Variants in CCNYL1 observed in about 807,000 individuals in gnomAD.
The protein encoded by CCNYL1 is cyclin-Y-like protein 1.
CCNYL1 carries 16 observed loss-of-function variants against 44.2 expected under a neutral mutation model. The observed-to-expected ratio is 0.36, with a 90% CI of 0.25 to 0.55. The LOEUF (loss-of-function observed/expected upper bound fraction) is 0.55. Ranked by LOEUF, CCNYL1 falls within the 20% of genes least tolerant of loss-of-function variation. The pLI, the probability that CCNYL1 is intolerant of heterozygous loss-of-function variation, is 0.85. For synonymous variants in CCNYL1, 159 were observed against 163.2 expected, an observed-to-expected ratio of 0.97 and a Z score of 0.20; for missense variants, 348 against 451.8, an observed-to-expected ratio of 0.77 and a Z score of 2.08.
At position 207,712,058 on chromosome 2, in the gene CCNYL1, T is replaced by C. The variant is rs764629831; in HGVS notation, c.162T>C (p.Asp54=). Reference sequence around the variant, plus strand: ...CTGTGGTGGAGCCTGCCGAGTTGGATTTCGGAGAGGGCGAGGGCCACCACC... The same window carrying C: ...CTGTGGTGGAGCCTGCCGAGTTGGACTTCGGAGAGGGCGAGGGCCACCACC... ...APAVVEPAEL[D]FGEGEGHHLQ... The change falls in exon 1 of 10, where the codon GAT becomes GAC. Residue 54 remains aspartate, a synonymous_variant. Coordinates refer to ENST00000295414, the MANE Select transcript of CCNYL1 (RefSeq NM_001330218.2). The C allele has an allele frequency of 1.4e-5, 22 of 1,559,502 alleles. No individual in the cohort carries two copies. Among genetic ancestry groups the C allele is most frequent in the Non-Finnish European group, 1.6e-5 (18 of 1,155,676 alleles).
chr2:207,721,734 G>GTTTTT (rs59024332), intron 1 of CCNYL1, among the ~76,000 whole-genome samples: 9 of 141,150 alleles, frequency 6.4e-5, no homozygotes, highest in Non-Finnish European at 4.7e-5. Context: ...GGAGTTTTTT[G>GTTTTT]TTTTTTTTTT....
At chr2:207,736,654 ATTTAC>A (rs576552318) in intron 4 of CCNYL1, among the ~76,000 whole-genome samples, 3 of 152,292 alleles carry the variant, frequency 2.0e-5, no homozygotes, top group African/African-American at 7.2e-5. Flanking sequence ...AAACACTTTT[ATTTAC>A]TTTAAGGGGA....
chr2:207,716,339 CTTTT>C (rs34650916), intron 1 of CCNYL1, among the ~76,000 whole-genome samples: 7 of 129,684 alleles, frequency 5.4e-5, no homozygotes, highest in South Asian at 2.5e-4. Flanking sequence ...TAAGCCCTCT[CTTTT>C]TTTTTTTTTT....
intron 5 of CCNYL1, 75 bp from the exon 6 acceptor site, chr2:207,740,580 A>G: frequency 3.0e-6 from 3 of 998,136 alleles, no homozygotes; most frequent in Non-Finnish European, 4.8e-6. Context: ...ATCTCCCGCC[A>G]CCCCCAGCAG....
chr2:207,719,351 A>G (rs1021096622), intron 1 of CCNYL1, among the ~76,000 whole-genome samples: 2 of 134,442 alleles, frequency 1.5e-5, no homozygotes, highest in Non-Finnish European at 3.1e-5. Context: ...CCCAGGCTGG[A>G]GTACAGTGGC....
intron 3 of CCNYL1, among the ~76,000 whole-genome samples, chr2:207,729,233 G>T (rs2105826274): frequency 7.2e-6 from 1 of 139,342 alleles, no homozygotes; most frequent in African/African-American, 2.8e-5. Flanking sequence ...TTTCTGCATT[G>T]ATCTTTACTT....
At chr2:207,723,446 T>C (rs2091656061) in intron 1 of CCNYL1, among the ~76,000 whole-genome samples, 1 of 152,222 alleles carries the variant, frequency 6.6e-6, no homozygotes, top group African/African-American at 2.4e-5. Flanking sequence ...GAGTATATTG[T>C]CATTTGACCA....
intron 1 of CCNYL1, among the ~76,000 whole-genome samples, chr2:207,720,467 A>G (rs2105819679): frequency 6.6e-6 from 1 of 151,228 alleles, no homozygotes; most frequent in South Asian, 2.1e-4. Context: ...GGAGCACAGT[A>G]GTGCCATTAG....
At chr2:207,750,354 C>T (rs540214002) in intron 8 of CCNYL1, among the ~76,000 whole-genome samples, 14 of 152,298 alleles carry the variant, frequency 9.2e-5, no homozygotes, top group African/African-American at 3.4e-4. Flanking sequence ...GACATAGCCT[C>T]ATGCGCCGGG....
At position 207,751,034 on chromosome 2, in the gene CCNYL1, A is replaced by G; in HGVS notation, c.884A>G (p.Tyr295Cys). 6.2e-7 allele frequency: 1 copy of G among 1,613,842 alleles called. No homozygotes were observed. The highest frequency in any genetic ancestry group is 8.5e-7 in the Non-Finnish European group (1 of 1,179,728). Residue 295 changes from tyrosine to cysteine, a missense_variant, in exon 9 of 10, where the codon TAC becomes TGC. Physicochemically the swap from Tyr to Cys is radical, Grantham distance 194. Around this residue, in one of 3 missense-constraint regions of CCNYL1, gnomAD observed 94 missense variants for 102.4 expected, o/e 0.92. Coordinates refer to ENST00000295414, the MANE Select transcript of CCNYL1 (RefSeq NM_001330218.2). ...NVPASVYAKY[Y>C]FDLRSLADDN... ...CCTGCCAGTGTTTATGCCAAATACTACTTTGACCTTCGCTCCTTAGCAGAT... is the reference window on the plus strand; with the variant it reads ...CCTGCCAGTGTTTATGCCAAATACTGCTTTGACCTTCGCTCCTTAGCAGAT...
rs2091551940 is a variant in CCNYL1 at position 207,711,992 on chromosome 2, C to T, written c.96C>T (p.Ile32=). 4 of 1,463,810 alleles carry T rather than the reference C, an allele frequency of 2.7e-6. No homozygotes were observed. Among genetic ancestry groups the T allele is most frequent in the Non-Finnish European group, 3.6e-6 (4 of 1,106,452 alleles). The allele number at this position is 1,463,810 out of a possible 1,614,324, so 90.7% of individuals were successfully genotyped here. The change falls in exon 1 of 10, where the codon ATC becomes ATT. Residue 32 remains isoleucine (I), a synonymous_variant. Coordinates refer to ENST00000295414, the MANE Select transcript of CCNYL1 (RefSeq NM_001330218.2). ...CGGAGCTGTACTGCGCGTCCGACATCTACGAGGCGGTGTCCGGGGACGCGG... is the reference window on the plus strand; with the variant it reads ...CGGAGCTGTACTGCGCGTCCGACATTTACGAGGCGGTGTCCGGGGACGCGG... ...GSAELYCASD[I]YEAVSGDAVA... is the part of the protein sequence containing the mutation.
chr2:207,726,786 C>A, intron 2 of CCNYL1, 56 bp from the exon 3 acceptor site: 1 of 1,241,032 alleles, frequency 8.1e-7, no homozygotes, highest in Non-Finnish European at 1.1e-6. Context: ...TTAGCAACTA[C>A]TTTTATACTG....
intron 5 of CCNYL1, among the ~76,000 whole-genome samples, chr2:207,738,857 T>C (rs1453407716): frequency 6.6e-6 from 1 of 152,056 alleles, no homozygotes; most frequent in Non-Finnish European, 1.5e-5. Context: ...GTAGCTGAGA[T>C]TACAAATACA....
chr2:207,712,254 C>T (rs2091555026), intron 1 of CCNYL1, 138 bp downstream of exon 1: 1 of 635,090 alleles, frequency 1.6e-6, no homozygotes, highest in Non-Finnish European at 2.6e-6. Context: ...GGTTCTGCCT[C>T]GCGTCCCCAC....
At chr2:207,720,832 AGATTG>A (rs2105819925) in intron 1 of CCNYL1, among the ~76,000 whole-genome samples, 1 of 152,344 alleles carries the variant, frequency 6.6e-6, no homozygotes, top group East Asian at 1.9e-4. Flanking sequence ...ACTAAAACAT[AGATTG>A]AGGCGTGAAG....
chr2:207,748,192 G>C (rs892711316), intron 8 of CCNYL1, among the ~76,000 whole-genome samples: 1 of 152,098 alleles, frequency 6.6e-6, no homozygotes, highest in African/African-American at 2.4e-5. Context: ...AGTGTTTTTT[G>C]TATTTAGAAA....
chr2:207,717,979 A>C (rs577943275), intron 1 of CCNYL1, among the ~76,000 whole-genome samples: 125 of 147,212 alleles, frequency 8.5e-4, no homozygotes, highest in Middle Eastern at 7.1e-3. Context: ...ATCTTGGCTC[A>C]CTGCAACCTC....
chr2:207,730,539 C>G (rs1425151639), intron 3 of CCNYL1, among the ~76,000 whole-genome samples: 2 of 152,156 alleles, frequency 1.3e-5, no homozygotes, highest in African/African-American at 4.8e-5. Context: ...GGGAGGATCA[C>G]TTGAGGTCAG....
At chr2:207,741,168 T>TG (rs1484404291) in intron 6 of CCNYL1, among the ~76,000 whole-genome samples, 2 of 151,874 alleles carry the variant, frequency 1.3e-5, no homozygotes, top group Non-Finnish European at 2.9e-5. Flanking sequence ...GGCAGGAGAA[T>TG]GGCGTGAACG....
Sources: allele counts gnomAD v4.1 joint callset (sites outside exome capture counted in the v4.1 genomes callset), GRCh38; gene constraint gnomAD v4.1.1; regional missense constraint gnomAD v4.1.1; transcripts MANE v1.5; gene names NCBI Gene and HGNC (gene_info 2026-07-23, HGNC 2026-07-21).